Variants in NT5C1B observed in about 807,000 individuals in gnomAD.
NT5C1B encodes 5'-nucleotidase, cytosolic IB, also known as cytosolic 5'-nucleotidase 1B.
A neutral mutation model predicts 57.8 loss-of-function variants in NT5C1B; 44 were observed. The observed-to-expected ratio is 0.76, with a 90% confidence interval of 0.60 to 0.98. The LOEUF is 0.98. NT5C1B is among the 50% of genes least tolerant of loss of function. The pLI is 0.00. For synonymous variants in NT5C1B, 284 were observed against 282.6 expected, an observed-to-expected ratio of 1.00 and a Z score of -0.05; for missense variants, 742 against 719.5, an observed-to-expected ratio of 1.03 and a Z score of -0.36.
intron 8 of NT5C1B, among the ~76,000 whole-genome samples, chr2:18,569,456 G>A (rs1303514408): frequency 2.6e-5 from 4 of 152,026 alleles, no homozygotes; most frequent in Non-Finnish European, 5.9e-5. Context: ...TTGCCAGATT[G>A]TATAAAATAG....
chr2:18,583,126 C>CT, intron 5 of NT5C1B, 129 bp from the exon 6 acceptor site: 1 of 1,265,756 alleles, frequency 7.9e-7, no homozygotes, highest in South Asian at 1.8e-5. Flanking sequence ...ATTCTGGCTC[C>CT]TTTAAGGAAG....
chr2:18,586,215 A>G, intron 3 of NT5C1B, 39 bp downstream of exon 3: 1 of 1,602,268 alleles, frequency 6.2e-7, no homozygotes. Context: ...CATTGTTATT[A>G]TTCTATCATC....
At chr2:18,576,929 G>C (rs1327738725) in intron 6 of NT5C1B, 34 bp from the exon 7 acceptor site, 7 of 1,611,112 alleles carry the variant, frequency 4.3e-6, no homozygotes, top group Admixed American at 1.7e-5. Context: ...TGTTATGACA[G>C]AGATTAAAGA....
Position 18,584,526 on chromosome 2 carries a change from C to G in NT5C1B, c.711G>C (p.Ser237=). 1 of 1,610,160 alleles carries G rather than the reference C, an allele frequency of 6.2e-7. No individual in the cohort carries two copies. The highest frequency in any genetic ancestry group is 8.5e-7 in the Non-Finnish European group (1 of 1,178,674). Reference sequence around the variant, plus strand: ...CGGGCTGGCTCACCGGCCAGGGGCGCGAGCAGCTCGGGTTCTTCTCGTAGA... The same window carrying G: ...CGGGCTGGCTCACCGGCCAGGGGCGGGAGCAGCTCGGGTTCTTCTCGTAGA... The change falls in exon 4 of 9, where the codon TCG becomes TCC. Residue 237 remains serine (S), a synonymous_variant. Transcript: ENST00000304081. The surrounding 1 kb of genome is among the most constrained non-coding windows in gnomAD (Gnocchi z 5.8).
exon 6 of NT5C1B, chr2:18,582,868 C>G: frequency 1.2e-6 from 2 of 1,612,778 alleles, no homozygotes; most frequent in Non-Finnish European, 1.7e-6. Context: ...TTTTACTTAC[C>G]GTAGTGATTG....
intron 8 of NT5C1B, among the ~76,000 whole-genome samples, chr2:18,570,968 G>T (rs1235915325): frequency 6.6e-6 from 1 of 152,070 alleles, no homozygotes; most frequent in African/African-American, 2.4e-5. Context: ...TGCAAATCAG[G>T]CATTAGTCAA....
exon 6 of NT5C1B, chr2:18,582,912 T>C (rs763526929): frequency 6.2e-7 from 1 of 1,614,046 alleles, no homozygotes; most frequent in South Asian, 1.1e-5. Flanking sequence ...CACTTGGGCA[T>C]GGTTATTAGT....
At chr2:18,567,877 G>A (rs773683464) in intron 8 of NT5C1B, among the ~76,000 whole-genome samples, 2 of 152,128 alleles carry the variant, frequency 1.3e-5, no homozygotes, top group Non-Finnish European at 2.9e-5. Context: ...TACCATACAT[G>A]AGTAGACTAG....
chr2:18,585,518 C>CT (rs1666620493), intron 3 of NT5C1B, among the ~76,000 whole-genome samples: 1 of 152,180 alleles, frequency 6.6e-6, no homozygotes, highest in African/African-American at 2.4e-5. Flanking sequence ...GGGAAAGTCT[C>CT]TTGTCTGGAG....
At chr2:18,586,228 C>G in intron 3 of NT5C1B, 26 bp downstream of exon 3, 3 of 1,610,456 alleles carry the variant, frequency 1.9e-6, no homozygotes, top group Non-Finnish European at 2.5e-6. Flanking sequence ...CTATCATCTA[C>G]TACTCCCTTT....
chr2:18,582,763 G>C, intron 6 of NT5C1B, 105 bp downstream of exon 6: 4 of 1,483,396 alleles, frequency 2.7e-6, no homozygotes, highest in Non-Finnish European at 3.6e-6. Context: ...GGGGGTGTCA[G>C]TATCAAAGAC....
intron 2 of NT5C1B, chr2:18,586,973 G>T (rs761570036): frequency 1.2e-6 from 2 of 1,614,010 alleles, no homozygotes; most frequent in African/African-American, 2.7e-5. Flanking sequence ...CTCCAGAATC[G>T]GTAGTGTGAT....
At chr2:18,563,646 G>T in exon 9 of NT5C1B, 1 of 824,378 alleles carries the variant, frequency 1.2e-6, no homozygotes, top group Non-Finnish European at 1.8e-6. Context: ...GGGTTCAAAA[G>T]GTTTTCCAAA....
Position 18,584,728 on chromosome 2 carries a change from G to C in NT5C1B, c.509C>G (p.Ser170Trp), listed in dbSNP as rs780357068. The change falls in exon 4 of 9, where the codon TCG (serine) becomes TGG (tryptophan). Residue 170 changes from serine to tryptophan, a missense_variant. Coordinates refer to ENST00000304081, the Ensembl canonical transcript of NT5C1B. The surrounding 1 kb of genome is among the most constrained non-coding windows in gnomAD (Gnocchi z 5.8). ...CGTGCGCGAATATTCCAGCGGCTGCGAGTCCCGGGTCTGGCGGATTTCCCG... is the reference window on the plus strand; with the variant it reads ...CGTGCGCGAATATTCCAGCGGCTGCCAGTCCCGGGTCTGGCGGATTTCCCG... 1.2e-6 allele frequency: 2 copies of C among 1,613,142 alleles called. No homozygotes were observed.
At chr2:18,570,621 A>G (rs190207079) in intron 8 of NT5C1B, among the ~76,000 whole-genome samples, 4 of 152,240 alleles carry the variant, frequency 2.6e-5, no homozygotes, top group African/African-American at 9.6e-5. Context: ...CAACAAAGAA[A>G]AAAGTCCAGA....
Position 18,584,483 on chromosome 2 carries a change from C to T in NT5C1B, c.723+31G>A. On this transcript the variant is annotated intron_variant, in intron 4 of 8. Coordinates refer to ENST00000304081, the Ensembl canonical transcript of NT5C1B. The surrounding 1 kb of genome is among the most constrained non-coding windows in gnomAD (Gnocchi z 5.8). ...TGGAAGAGGCTGCAAGGAAGGGCGC[C>T]CCGGCTGCCAGGGGCGGCGGGCTGG... 4 of 1,593,646 alleles carry T rather than the reference C, an allele frequency of 2.5e-6. No individual in the cohort carries two copies. Among genetic ancestry groups the T allele is most frequent in the South Asian group, 1.1e-5 (1 of 88,684 alleles).
chr2:18,569,311 A>T (rs1664938976), intron 8 of NT5C1B, among the ~76,000 whole-genome samples: 1 of 152,284 alleles, frequency 6.6e-6, no homozygotes, highest in East Asian at 1.9e-4. Flanking sequence ...AAATAGGGGA[A>T]AAAAGAAAAG....
In NT5C1B at chr2:18,563,762, C is replaced by A. The variant is rs748343141; in HGVS notation, c.*34G>T. On this transcript the variant is annotated 3_prime_UTR_variant, in exon 9 of 9. Coordinates refer to ENST00000304081, the Ensembl canonical transcript of NT5C1B. ...CCAAAAGAAGTGGCTTCTGTAACAC[C>A]AGACTATCACCACTTTATTTCTCCT... 3 of 1,478,182 alleles carry A rather than the reference C, an allele frequency of 2.0e-6. No homozygotes were observed. In the South Asian group the frequency reaches 4.5e-5, roughly 22 times the overall value. The allele number at this position is 1,478,182 out of a possible 1,614,324, so 91.6% of individuals were successfully genotyped here.
chr2:18,565,952 A>T (rs904031551), intron 8 of NT5C1B, among the ~76,000 whole-genome samples: 7 of 152,246 alleles, frequency 4.6e-5, no homozygotes, highest in African/African-American at 1.7e-4. Flanking sequence ...ATGGGTAATA[A>T]CTCTATTGGA....
Sources: gnomAD v4.1 joint callset for allele counts (sites outside exome capture counted in the v4.1 genomes callset) on GRCh38, gnomAD v4.1.1 for gene constraint, Gnocchi (gnomAD v3.1) non-coding constraint, MANE v1.5 for transcripts, NCBI Gene and HGNC (gene_info 2026-07-23, HGNC 2026-07-21) for gene names.